PIK3CD: variants seen among roughly 807,000 people sequenced by gnomAD.
PIK3CD encodes phosphatidylinositol 4,5-bisphosphate 3-kinase catalytic subunit delta isoform.
A neutral mutation model predicts 122.9 loss-of-function variants in PIK3CD; 20 were observed. The ratio of observed to expected loss-of-function variants is 0.16; its 90% CI spans 0.11 to 0.24. The LOEUF (loss-of-function observed/expected upper bound fraction) is 0.24, where lower values mean the gene tolerates loss of function less well. Ranked by LOEUF, PIK3CD falls within the 10% of genes least tolerant of loss-of-function variation. The pLI, the probability that PIK3CD is intolerant of heterozygous loss-of-function variation, is 1.00. For missense variants in PIK3CD, 787 were observed against 1,406.3 expected (o/e 0.56, Z 7.04); for synonymous variants, 596 against 593.4 (o/e 1.00, Z -0.06).
the PIK3CD span, among the ~76,000 whole-genome samples, chr1:9,642,175 C>A: frequency 1.3e-5 from 2 of 151,816 alleles, no homozygotes; most frequent in African/African-American, 4.8e-5. Flanking sequence ...TGCAATGGTG[C>A]GATCTTGGCT....
Position 9,723,239 on chromosome 1 carries a change from A to G in PIK3CD, c.2541A>G (p.Thr847=). ...TCAACAAGAGCAACATGGCAGCCAC[A>G]GCCGCCTTCAACAAGGATGCCCTGC... ...IQLNKSNMAA[T]AAFNKDALLN... The change falls in exon 20 of 24, where the codon ACA becomes ACG. Residue 847 remains threonine, a synonymous_variant. Coordinates refer to ENST00000377346, the MANE Select transcript of PIK3CD (RefSeq NM_005026.5). The surrounding 1 kb of genome is among the most constrained non-coding windows in gnomAD (Gnocchi z 4.9). The G allele has an allele frequency of 6.2e-7, 1 of 1,614,046 alleles. No individual in the cohort carries two copies. Among genetic ancestry groups the G allele is most frequent in the Non-Finnish European group, 8.5e-7 (1 of 1,180,046 alleles).
At chr1:9,702,488 GAAAGA>G (rs1646673459) in intron 2 of PIK3CD, among the ~76,000 whole-genome samples, 1 of 92,234 alleles carries the variant, frequency 1.1e-5, no homozygotes, top group African/African-American at 3.5e-5. Flanking sequence ...CACTTCCAAG[GAAAGA>G]ACTTTCCTTT....
chr1:9,650,459 C>CA (rs1234814084), upstream of PIK3CD, among the ~76,000 whole-genome samples: 3 of 151,050 alleles, frequency 2.0e-5, no homozygotes, highest in East Asian at 1.9e-4. Context: ...AAAAAACAAA[C>CA]AAAAAAACAT....
Position 9,720,074 on chromosome 1 carries a change from G to C in PIK3CD, c.1340-38G>C. Reference sequence around the variant, plus strand: ...GGAGTGTGAGGGTCCCAGAGATGCTGGTCACCCCTCTACAACTTCATCTGC... The same window carrying C: ...GGAGTGTGAGGGTCCCAGAGATGCTCGTCACCCCTCTACAACTTCATCTGC... On this transcript the variant is annotated intron_variant, in intron 10 of 23. Coordinates refer to ENST00000377346, the MANE Select transcript of PIK3CD (RefSeq NM_005026.5). The surrounding 1 kb of genome is among the most constrained non-coding windows in gnomAD (Gnocchi z 9.0). 6.2e-7 allele frequency: 1 copy of C among 1,613,330 alleles called. No individual in the cohort carries two copies. Among genetic ancestry groups the C allele is most frequent in the Non-Finnish European group, 8.5e-7 (1 of 1,179,982 alleles).
upstream of PIK3CD, among the ~76,000 whole-genome samples, chr1:9,650,189 T>G (rs1453667557): frequency 1.3e-5 from 2 of 152,070 alleles, no homozygotes; most frequent in Non-Finnish European, 2.9e-5. Flanking sequence ...TTTGGGAGCC[T>G]GAGGCGGGTG....
At chr1:9,642,561 C>CA in the PIK3CD span, among the ~76,000 whole-genome samples, 1 of 149,610 alleles carries the variant, frequency 6.7e-6, no homozygotes, top group African/African-American at 2.5e-5. Context: ...ACTAAAAATA[C>CA]AAAAAATTAG....
intron 14 of PIK3CD, 88 bp from the exon 15 acceptor site, chr1:9,721,356 C>T: frequency 6.2e-7 from 1 of 1,608,232 alleles, no homozygotes; most frequent in Admixed American, 1.7e-5. Flanking sequence ...CTTGCTCCCT[C>T]CTGCCTGGCC....
rs116273430 is a variant in PIK3CD at position 9,665,019 on chromosome 1, G to A, written c.-138+13217G>A. 2.1e-3 allele frequency among the ~76,000 whole-genome samples: 322 copies of A among 152,010 alleles called. 2 individuals are homozygous for A. The highest frequency in any genetic ancestry group is 6.9e-3 in the African/African-American group (288 of 41,474). On this transcript the variant is annotated intron_variant, in intron 1 of 23. Coordinates refer to ENST00000377346, the MANE Select transcript of PIK3CD (RefSeq NM_005026.5). ...GGAGTTTGAGACCAGCCTAGGCAAC[G>A]TAAGGGAGACCCTGTCCTACAAAAA...
chr1:9,672,438 T>G (rs1361404731), intron 1 of PIK3CD: 1 of 152,076 alleles, frequency 6.6e-6, no homozygotes, highest in Admixed American at 6.6e-5. Context: ...ATTTATTTAT[T>G]TATTTTTAGA....
the PIK3CD span, among the ~76,000 whole-genome samples, chr1:9,633,347 G>A: frequency 1.3e-5 from 2 of 152,062 alleles, no homozygotes; most frequent in Non-Finnish European, 2.9e-5. Context: ...CGCTCTTGTC[G>A]CCCAGGCTGG....
At chr1:9,668,441 C>CTT (rs200153890) in intron 1 of PIK3CD, among the ~76,000 whole-genome samples, 1 of 134,032 alleles carries the variant, frequency 7.5e-6, no homozygotes, top group Admixed American at 7.4e-5. Flanking sequence ...TGTTCTTATT[C>CTT]TTTTTTTTTT....
chr1:9,696,125 C>T (rs935817606), intron 2 of PIK3CD, among the ~76,000 whole-genome samples: 39 of 151,872 alleles, frequency 2.6e-4, no homozygotes, highest in Non-Finnish European at 4.6e-4. Context: ...GTGTACGCCA[C>T]CATGCCCAGC....
intron 2 of PIK3CD, among the ~76,000 whole-genome samples, chr1:9,692,659 G>A (rs1469270424): frequency 1.3e-5 from 2 of 151,798 alleles, no homozygotes; most frequent in African/African-American, 2.4e-5. Flanking sequence ...GAACCCAGGA[G>A]GCGGAGGTTG....
At chr1:9,681,550 G>A (rs1413118274) in intron 1 of PIK3CD, among the ~76,000 whole-genome samples, 3 of 152,216 alleles carry the variant, frequency 2.0e-5, no homozygotes, top group African/African-American at 7.2e-5. Flanking sequence ...GAGTAGCTGG[G>A]ACTACAGGCG....
chr1:9,724,238 A>C lies in PIK3CD; in HGVS notation c.2719-38A>C. 4 of 1,613,148 alleles carry C rather than the reference A, an allele frequency of 2.5e-6. No homozygotes were observed. The highest frequency in any genetic ancestry group is 3.4e-6 in the Non-Finnish European group (4 of 1,179,696). On this transcript the variant is annotated intron_variant, in intron 21 of 23. Transcript: ENST00000377346. The surrounding 1 kb of genome is among the most constrained non-coding windows in gnomAD (Gnocchi z 7.3). The stretch of plus-strand genomic sequence containing the variant: ...TCCCCTGGATTCTCTCCTGTCTGAC[A>C]CCTTCTCAATCCTCCCCCTCCTCTC...
chr1:9,669,530 C>T (rs896020194), intron 1 of PIK3CD, among the ~76,000 whole-genome samples: 2 of 152,124 alleles, frequency 1.3e-5, no homozygotes, highest in Non-Finnish European at 2.9e-5. Context: ...GAAAAGTATA[C>T]ATTGGTTCAG....
At position 9,719,950 on chromosome 1, in the gene PIK3CD, G is replaced by C; in HGVS notation, c.1272G>C (p.Met424Ile). 6.2e-7 allele frequency: 1 copy of C among 1,613,800 alleles called. No homozygotes were observed. The highest frequency in any genetic ancestry group is 1.1e-5 in the South Asian group (1 of 91,076). ...ADCPIAWANL[M>I]LFDYKDQLKT... ...GCCCCATTGCCTGGGCCAACCTCAT[G>C]CTGTTTGACTACAAGGACCAGCTTA... The change falls in exon 10 of 24, where the codon ATG (methionine) becomes ATC (isoleucine). Residue 424 changes from methionine (M) to isoleucine (I), a missense_variant. Met to Ile is a conservative substitution (Grantham distance 10). Coordinates refer to ENST00000377346, the MANE Select transcript of PIK3CD (RefSeq NM_005026.5). This position sits in a 1 kb window ranked among gnomAD's most constrained non-coding sequence, Gnocchi z 5.5.
At chr1:9,631,541 A>C in the PIK3CD span, among the ~76,000 whole-genome samples, 1 of 152,222 alleles carries the variant, frequency 6.6e-6, no homozygotes, top group African/African-American at 2.4e-5. Flanking sequence ...CTGTAATCCC[A>C]GCTACTCAGG....
the PIK3CD span, among the ~76,000 whole-genome samples, chr1:9,646,277 T>C: frequency 2.0e-5 from 3 of 152,080 alleles, no homozygotes; most frequent in African/African-American, 7.2e-5. Flanking sequence ...AGGGAGAAAA[T>C]ATAACTTCTC....
Sources: allele counts gnomAD v4.1 joint callset (sites outside exome capture counted in the v4.1 genomes callset), GRCh38; gene constraint gnomAD v4.1.1; non-coding constraint Gnocchi (gnomAD v3.1); transcripts MANE v1.5; gene names NCBI Gene and HGNC (gene_info 2026-07-23, HGNC 2026-07-21).